KDM6A: variants seen among roughly 807,000 people sequenced by gnomAD.
KDM6A encodes the protein lysine-specific demethylase 6A.
In KDM6A, 11 loss-of-function variants were observed where a neutral mutation model predicts 117.6. The ratio of observed to expected loss-of-function variants is 0.09; its 90% CI spans 0.06 to 0.15. KDM6A has a LOEUF of 0.15. Among genes scored for constraint, KDM6A ranks in the 10% least tolerant of loss-of-function variants. KDM6A has a pLI of 1.00. For synonymous variants in KDM6A, 384 were observed against 396.1 expected (o/e 0.97, Z 0.36); for missense variants, 799 against 1,077.3 (o/e 0.74, Z 3.62).
chrX:44,883,517 C>T (rs749694995), intron 2 of KDM6A, among the ~76,000 whole-genome samples: 108 of 110,801 alleles, frequency 9.7e-4, no homozygotes, highest in African/African-American at 3.4e-3. Context: ...GGATTACAAG[C>T]GTGCGCCACC....
At chrX:44,881,213 A>G (rs1167339352) in intron 2 of KDM6A, among the ~76,000 whole-genome samples, 1 of 112,675 alleles carries the variant, frequency 8.9e-6, no homozygotes, top group African/African-American at 3.2e-5. Flanking sequence ...GGCGGGCATC[A>G]CGAGGTCAGG....
intron 2 of KDM6A, among the ~76,000 whole-genome samples, chrX:44,925,279 A>G (rs989025101): frequency 1.4e-4 from 15 of 110,918 alleles, no homozygotes; most frequent in African/African-American, 4.6e-4. Context: ...GGGAAACAGC[A>G]CTTCTGCCTG....
intron 6 of KDM6A, among the ~76,000 whole-genome samples, chrX:45,024,940 CT>C (rs1272134537): frequency 2.7e-5 from 3 of 111,810 alleles, no homozygotes; most frequent in African/African-American, 9.8e-5. Context: ...GCTCAGCAAA[CT>C]TTATGATCCT....
intron 4 of KDM6A, among the ~76,000 whole-genome samples, chrX:44,988,255 C>T (rs1334107663): frequency 8.9e-6 from 1 of 111,821 alleles, no homozygotes; most frequent in Non-Finnish European, 1.9e-5. Context: ...GTTTTCAGCT[C>T]CATCAGGTCC....
chrX:44,901,933 T>C (rs755213378), intron 2 of KDM6A, among the ~76,000 whole-genome samples: 1 of 112,424 alleles, frequency 8.9e-6, no homozygotes, highest in South Asian at 3.6e-4. Context: ...GTTATGCCTT[T>C]AAAAAAATTC....
At position 45,061,364 on chromosome X, in the gene KDM6A, A is replaced by G. The variant is rs747849391; in HGVS notation, c.1526A>G (p.His509Arg). The stretch of plus-strand genomic sequence containing the variant: ...TGGAGTGGTGGACATGCTGTGTCAC[A>G]TCCTCCAGTACAGCAACAAGCTCAT... ...DNWSGGHAVS[H>R]PPVQQQAHSW... The change falls in exon 15 of 30, where the codon CAT (histidine) becomes CGT (arginine). Residue 509 changes from histidine (H) to arginine (R), a missense_variant. His to Arg is a conservative substitution (Grantham distance 29). This residue lies in a region of KDM6A where 301 missense variants were observed against 318.3 expected (regional missense o/e 0.95). Transcript: ENST00000611820. 1.0e-5 allele frequency: 12 copies of G among 1,188,944 alleles called. No homozygotes were observed. The South Asian group carries it at 2.1e-4, about 21-fold the overall frequency.
chrX:45,089,013 G>T (rs73493121), intron 25 of KDM6A, among the ~76,000 whole-genome samples: 1 of 111,820 alleles, frequency 8.9e-6, no homozygotes, highest in Non-Finnish European at 1.9e-5. Flanking sequence ...GAAGTTCCTG[G>T]TACTTGTATT....
Position 45,059,357 on chromosome X carries a change from A to T in KDM6A, c.1085A>T (p.Tyr362Phe), listed in dbSNP as rs2044210937. ...GCCTGGATGGACCTAGGCACTCTCT[A>T]TGAATCCTGCAACCAGCCTCAGGAT... is the stretch of plus-strand genomic sequence containing the variant. ...AAAWMDLGTL[Y>F]ESCNQPQDAI... The change falls in exon 12 of 30, where the codon TAT (tyrosine) becomes TTT (phenylalanine). Residue 362 changes from tyrosine (Y) to phenylalanine (F), a missense_variant. Transcript: ENST00000611820. The T allele has an allele frequency of 8.3e-7, 1 of 1,209,185 alleles. No individual in the cohort carries two copies.
intron 2 of KDM6A, among the ~76,000 whole-genome samples, chrX:44,899,004 GGTGTGTGTGTGTGTGTGT>G (rs745714866): frequency 3.8e-5 from 3 of 79,642 alleles, no homozygotes; most frequent in Admixed American, 2.6e-4. Flanking sequence ...GGAGAGGGAG[GGTGTGTGTGTGTGTGTGT>G]GTGTGTGTGT....
chrX:45,034,272 G>T (rs73490966), intron 6 of KDM6A, among the ~76,000 whole-genome samples: 1 of 111,692 alleles, frequency 9.0e-6, no homozygotes, highest in South Asian at 3.7e-4. Flanking sequence ...TGATGTTAAC[G>T]TGCTTATATG....
intron 2 of KDM6A, among the ~76,000 whole-genome samples, chrX:44,958,921 TTTA>T (rs1228081023): frequency 9.0e-6 from 1 of 111,533 alleles, no homozygotes; most frequent in Non-Finnish European, 1.9e-5. Flanking sequence ...AATTCTGTGT[TTTA>T]TTGTAGATTA....
At chrX:45,061,216 C>A in intron 14 of KDM6A, 108 bp from the exon 15 acceptor site, 2 of 430,854 alleles carry the variant, frequency 4.6e-6, no homozygotes, top group Non-Finnish European at 8.3e-6. Context: ...ATCTTTTTAA[C>A]ATGTAAATAT....
chrX:44,900,056 A>G (rs1281421709), intron 2 of KDM6A, among the ~76,000 whole-genome samples: 1 of 112,444 alleles, frequency 8.9e-6, no homozygotes, highest in East Asian at 2.8e-4. Context: ...AGATATTTAC[A>G]TGCAAAGAAA....
chrX:45,039,438 C>T (rs2147807153), intron 8 of KDM6A, among the ~76,000 whole-genome samples: 1 of 107,433 alleles, frequency 9.3e-6, no homozygotes, highest in South Asian at 4.1e-4. Context: ...GTCTGTTGGT[C>T]TTACTGTTTA....
At chrX:45,044,700 T>C (rs750710569) in intron 8 of KDM6A, among the ~76,000 whole-genome samples, 1 of 112,257 alleles carries the variant, frequency 8.9e-6, no homozygotes, top group East Asian at 2.8e-4. Context: ...TAATCTTGTA[T>C]CTTGGAAATC....
chrX:44,937,368 G>A (rs1372995540), intron 2 of KDM6A, among the ~76,000 whole-genome samples: 1 of 111,533 alleles, frequency 9.0e-6, no homozygotes, highest in African/African-American at 3.3e-5. Context: ...GAAGGTTTGT[G>A]GCAGTCCTGT....
intron 2 of KDM6A, among the ~76,000 whole-genome samples, chrX:44,923,087 G>C: frequency 9.0e-6 from 1 of 111,731 alleles, no homozygotes; most frequent in South Asian, 3.7e-4. Flanking sequence ...CATTGTTTTT[G>C]AGGTGAAGTT....
intron 2 of KDM6A, among the ~76,000 whole-genome samples, chrX:44,906,697 C>CGA (rs768809117): frequency 2.1e-3 from 222 of 107,811 alleles, no homozygotes; most frequent in Middle Eastern, 4.8e-3. Flanking sequence ...AGAGAGAGAG[C>CGA]GAGAGAGAGA....
At chrX:44,875,309 C>T (rs2031392731) in intron 2 of KDM6A, among the ~76,000 whole-genome samples, 1 of 111,977 alleles carries the variant, frequency 8.9e-6, no homozygotes, top group Admixed American at 9.6e-5. Flanking sequence ...GTCATCAATT[C>T]CTTTTTATCT....
Sources: allele counts gnomAD v4.1 joint callset (sites outside exome capture counted in the v4.1 genomes callset), GRCh38; gene constraint gnomAD v4.1.1; regional missense constraint gnomAD v4.1.1; transcripts MANE v1.5; gene names NCBI Gene and HGNC (gene_info 2026-07-23, HGNC 2026-07-21).